YME1L1: variants seen among roughly 807,000 people sequenced by gnomAD.
YME1L1 encodes the protein ATP-dependent zinc metalloprotease YME1L1.
A neutral mutation model predicts 90.4 loss-of-function variants in YME1L1; 39 were observed. The observed-to-expected ratio is 0.43, with a 90% CI of 0.33 to 0.56. The LOEUF is 0.56. Among genes scored for constraint, YME1L1 ranks in the 20% least tolerant of loss-of-function variants. The probability of loss-of-function intolerance (pLI) is 0.03; values close to 1 mark genes in which losing one functional copy is unlikely to be tolerated. For synonymous variants in YME1L1, 284 were observed against 287.3 expected (o/e 0.99, Z 0.12); for missense variants, 617 against 868.4 (o/e 0.71, Z 3.64).
intron 9 of YME1L1, among the ~76,000 whole-genome samples, chr10:27,126,297 G>A (rs926830915): frequency 9.9e-5 from 15 of 152,044 alleles, no homozygotes; most frequent in African/African-American, 3.1e-4. Flanking sequence ...ACAAAAATTA[G>A]CCGGCATGGT....
chr10:27,133,667 T>C (rs1047760569), intron 7 of YME1L1, among the ~76,000 whole-genome samples: 14 of 152,162 alleles, frequency 9.2e-5, no homozygotes, highest in Admixed American at 8.5e-4. Flanking sequence ...CACTATTGCT[T>C]AATTTCAGAT....
intron 15 of YME1L1, 37 bp downstream of exon 15, chr10:27,117,539 G>C: frequency 1.3e-5 from 21 of 1,605,262 alleles, no homozygotes; most frequent in Non-Finnish European, 1.8e-5. Flanking sequence ...TTGCACTCCA[G>C]CCTGGGTGAC....
intron 1 of YME1L1, among the ~76,000 whole-genome samples, chr10:27,150,892 C>A (rs72807660): frequency 0.083 from 12,358 of 148,708 alleles, 695 homozygotes; most frequent in East Asian, 0.28. Flanking sequence ...TCTTAATAAA[C>A]TTGCTTTCAC....
At chr10:27,123,503 C>T (rs549502351) in intron 10 of YME1L1, 44 bp downstream of exon 10, 15 of 1,590,572 alleles carry the variant, frequency 9.4e-6, no homozygotes, top group Middle Eastern at 3.3e-4. Flanking sequence ...ACACACTTCC[C>T]TTAACAAAAT....
chr10:27,120,862 A>ATC (rs1425889186), intron 12 of YME1L1, among the ~76,000 whole-genome samples: 1 of 152,230 alleles, frequency 6.6e-6, no homozygotes, highest in African/African-American at 2.4e-5. Context: ...CCACACATCC[A>ATC]TCTCAACTGC....
chr10:27,114,056 G>T (rs1363193719), intron 18 of YME1L1, among the ~76,000 whole-genome samples: 1 of 151,590 alleles, frequency 6.6e-6, no homozygotes, highest in Non-Finnish European at 1.5e-5. Context: ...AAGTACAATT[G>T]AATTTTATAT....
intron 2 of YME1L1, chr10:27,147,046 A>T (rs1449682001): frequency 4.0e-6 from 1 of 251,230 alleles, no homozygotes; most frequent in African/African-American, 2.2e-5. Flanking sequence ...GGGCAAACAA[A>T]AAGCCATCCA....
At chr10:27,134,549 T>C (rs1240240182) in intron 6 of YME1L1, among the ~76,000 whole-genome samples, 2 of 152,182 alleles carry the variant, frequency 1.3e-5, no homozygotes, top group Non-Finnish European at 2.9e-5. Flanking sequence ...CACTCTGGCT[T>C]AGGCAATGAA....
intron 2 of YME1L1, chr10:27,146,202 C>T (rs1198563243): frequency 6.6e-6 from 1 of 152,126 alleles, no homozygotes; most frequent in Non-Finnish European, 1.5e-5. Flanking sequence ...AAACAAAAGC[C>T]CACTTGACAA....
Position 27,120,438 on chromosome 10 carries a change from G to T in YME1L1, c.1408C>A (p.Gln470Lys). The change falls in exon 13 of 19, where the codon CAA becomes AAA. Residue 470 changes from glutamine (Q) to lysine (K), a missense_variant. By Grantham distance (53) the Gln-to-Lys change is moderately conservative (BLOSUM62 1). Around this residue, in one of 4 missense-constraint regions of YME1L1, gnomAD observed 212 missense variants for 330.0 expected, o/e 0.64. Coordinates refer to ENST00000376016, the MANE Select transcript of YME1L1 (RefSeq NM_014263.4). ...AAATGTTTGTTTTGATACTTACATT[G>T]ATCAAACTTTATTTTATTGAGATAC... ...KWYLNKIKFD[Q>K]SVDPEIIARG... The T allele has an allele frequency of 1.2e-6, 2 of 1,606,740 alleles. No individual in the cohort carries two copies. Among genetic ancestry groups the T allele is most frequent in the South Asian group, 1.1e-5 (1 of 90,758 alleles).
In YME1L1 at chr10:27,117,605, T is replaced by C. The variant is rs764176747; in HGVS notation, c.1690A>G (p.Ile564Val). The change falls in exon 15 of 19, where the codon ATC (isoleucine) becomes GTC (valine). Residue 564 changes from isoleucine (I) to valine (V), a missense_variant. Ile to Val is a conservative substitution (Grantham distance 29, BLOSUM62 3). Transcript: ENST00000376016. ...KDAMPINKAT[I>V]MPRGPTLGHV... The stretch of plus-strand genomic sequence containing the variant: ...CCAAGTGTTGGCCCCCGTGGCATGA[T>C]TGTAGCTTTGTTGATAGGCATTGCA... 2.8e-5 allele frequency: 45 copies of C among 1,613,972 alleles called. No individual in the cohort carries two copies. The highest frequency in any genetic ancestry group is 3.5e-5 in the Non-Finnish European group (41 of 1,180,020).
chr10:27,117,549 C>A lies in YME1L1; in HGVS notation c.1719+27G>T, dbSNP rs1202932276. On this transcript the variant is annotated intron_variant, in intron 15 of 18. Transcript: ENST00000376016. ...CGCCATTGCACTCCAGCCTGGGTGA[C>A]AGGGCGAGACACTACAAAAAACTTA... 2.5e-6 allele frequency: 4 copies of A among 1,605,636 alleles called. No homozygotes were observed. In the South Asian group the frequency reaches 4.4e-5, roughly 18 times the overall value.
At chr10:27,131,393 A>G (rs1178498878) in intron 8 of YME1L1, among the ~76,000 whole-genome samples, 2 of 152,206 alleles carry the variant, frequency 1.3e-5, no homozygotes, top group Admixed American at 1.3e-4. Context: ...AATCAACTAT[A>G]AACTAGCATT....
chr10:27,130,457 G>A (rs1207785363), intron 8 of YME1L1, among the ~76,000 whole-genome samples: 2 of 152,152 alleles, frequency 1.3e-5, no homozygotes, highest in Non-Finnish European at 2.9e-5. Context: ...CTCCAAAGTG[G>A]TATATCCAAG....
intron 17 of YME1L1, among the ~76,000 whole-genome samples, chr10:27,115,397 G>A (rs1461253415): frequency 1.3e-5 from 2 of 148,616 alleles, no homozygotes; most frequent in African/African-American, 5.0e-5. Flanking sequence ...CTGTAGCCTC[G>A]ACCTCCTGGG....
intron 8 of YME1L1, among the ~76,000 whole-genome samples, chr10:27,128,768 G>T (rs989544413): frequency 3.3e-5 from 5 of 151,742 alleles, no homozygotes; most frequent in African/African-American, 1.2e-4. Context: ...AATTAGCCAG[G>T]CATAGGGGCA....
intron 8 of YME1L1, chr10:27,129,174 A>G (rs1451167156): frequency 6.6e-6 from 1 of 151,950 alleles, no homozygotes; most frequent in Non-Finnish European, 1.5e-5. Flanking sequence ...ACAGACAGAG[A>G]ATAACAATGC....
intron 8 of YME1L1, chr10:27,129,261 C>A (rs1291447919): frequency 6.6e-6 from 1 of 152,198 alleles, no homozygotes; most frequent in African/African-American, 2.4e-5. Flanking sequence ...GAAGGGCCCT[C>A]CACGCTGATG....
intron 5 of YME1L1, among the ~76,000 whole-genome samples, chr10:27,135,625 A>G (rs542839821): frequency 2.2e-4 from 34 of 152,332 alleles, no homozygotes; most frequent in South Asian, 1.9e-3. Flanking sequence ...GCAATCTTAT[A>G]TAAGACTTCA....
Sources: allele counts gnomAD v4.1 joint callset (sites outside exome capture counted in the v4.1 genomes callset), GRCh38; gene constraint gnomAD v4.1.1; regional missense constraint gnomAD v4.1.1; transcripts MANE v1.5; gene names NCBI Gene and HGNC (gene_info 2026-07-23, HGNC 2026-07-21).